ERAP2: variants seen among roughly 807,000 people sequenced by gnomAD.
ERAP2 encodes leukocyte-derived arginine aminopeptidase.
In ERAP2, 118 loss-of-function variants were observed where a neutral mutation model predicts 111.1. The ratio of observed to expected loss-of-function variants is 1.06; its 90% CI spans 0.92 to 1.24. The LOEUF (loss-of-function observed/expected upper bound fraction) is 1.24, where lower values mean the gene tolerates loss of function less well. Ranked by LOEUF, ERAP2 falls within the 50% of genes most tolerant of loss-of-function variation. ERAP2 has a pLI of 0.00. For missense variants in ERAP2, 1,131 were observed against 1,125.8 expected (o/e 1.00, Z -0.07); for synonymous variants, 410 against 401.2 (o/e 1.02, Z -0.26).
At chr5:96,908,689 T>A (rs866114158) in intron 13 of ERAP2, among the ~76,000 whole-genome samples, 2 of 152,210 alleles carry the variant, frequency 1.3e-5, no homozygotes, top group Admixed American at 6.5e-5. Context: ...AAATGCTTTT[T>A]AAAATATTAG....
At position 96,909,734 on chromosome 5, in the gene ERAP2, C is replaced by A; in HGVS notation, c.2324C>A (p.Ser775Tyr). Residue 775 changes from serine to tyrosine, a missense_variant, in exon 15 of 19, where the codon TCC becomes TAC. By Grantham distance (144) the Ser-to-Tyr change is moderately radical. This residue lies in a region of ERAP2 where 279 missense variants were observed against 250.9 expected (regional missense o/e 1.11). Transcript: ENST00000437043. ...PCIQKAAELF[S>Y]QWMESSGKLN... ...ATCCAGAAAGCTGCTGAACTCTTCT[C>A]CCAGTGGATGGAATCCAGTGGAAAA... is the stretch of plus-strand genomic sequence containing the variant. 3 of 1,614,138 alleles carry A rather than the reference C, an allele frequency of 1.9e-6. No homozygotes were observed. Among genetic ancestry groups the A allele is most frequent in the Non-Finnish European group, 8.5e-7 (1 of 1,179,986 alleles).
chr5:96,903,482 CA>C lies in ERAP2; in HGVS notation c.1935del (p.Gln646SerfsTer2), dbSNP rs780956448. On this transcript the variant is annotated frameshift_variant, in exon 13 of 19. Transcript: ENST00000437043. LOFTEE classifies it high-confidence loss of function. ...YEGHGWDQLI[T>X]QLNQNHTLLR... ...GGTCATGGATGGGACCAACTCATTACACAGCTGAATCAGAACCACACACTTC... is the reference window on the plus strand; with the variant it reads ...GGTCATGGATGGGACCAACTCATTACCAGCTGAATCAGAACCACACACTTC... 3.7e-6 allele frequency: 6 copies of C among 1,614,058 alleles called. No individual in the cohort carries two copies. In the Middle Eastern group the frequency reaches 5.0e-4, roughly 133 times the overall value.
At position 96,892,445 on chromosome 5, in the gene ERAP2, G is replaced by A. The variant is rs1328749632; in HGVS notation, c.1117G>A (p.Ala373Thr). The A allele has an allele frequency of 9.9e-6, 16 of 1,613,738 alleles. No homozygotes were observed. The highest frequency in any genetic ancestry group is 1.3e-5 in the Non-Finnish European group (15 of 1,179,840). Residue 373 changes from alanine (A) to threonine (T), a missense_variant, in exon 6 of 19, where the codon GCG becomes ACG. Physicochemically the swap from Ala to Thr is moderately conservative, Grantham distance 58 (BLOSUM62 0). Coordinates refer to ENST00000437043, the MANE Select transcript of ERAP2 (RefSeq NM_022350.5). ...WVTRVIAHEL[A>T]HQWFGNLVTM... The stretch of plus-strand genomic sequence containing the variant: ...CACCAGAGTCATAGCCCATGAACTG[G>A]CGCACCAGGTACTTGGCACTCATGA...
At chr5:96,896,965 T>TGTTGGGTAACGATAGACTG in intron 9 of ERAP2, 102 bp downstream of exon 9, 6 of 987,684 alleles carry the variant, frequency 6.1e-6, no homozygotes, top group Non-Finnish European at 8.3e-6. Flanking sequence ...GTCAACCATA[T>TGTTGGGTAACGATAGACTG]TTATTCTGCT....
chr5:96,915,610 T>C, intron 17 of ERAP2, 78 bp from the exon 18 acceptor site: 1 of 760,720 alleles, frequency 1.3e-6, no homozygotes, highest in Non-Finnish European at 2.0e-6. Flanking sequence ...TAATATACAT[T>C]AAAAATATAA....
At chr5:96,890,476 A>C (rs1784225029) in intron 5 of ERAP2, among the ~76,000 whole-genome samples, 1 of 152,184 alleles carries the variant, frequency 6.6e-6, no homozygotes, top group African/African-American at 2.4e-5. Flanking sequence ...ATTGACAGGT[A>C]CTGGTCCGCA....
chr5:96,914,148 T>TCTCACACACACA (rs34158080), intron 17 of ERAP2, among the ~76,000 whole-genome samples: 7 of 147,982 alleles, frequency 4.7e-5, no homozygotes, highest in Admixed American at 2.0e-4. Flanking sequence ...TCTCTCTCTC[T>TCTCACACACACA]CACACACACA....
intron 16 of ERAP2, 49 bp from the exon 17 acceptor site, chr5:96,913,268 A>T: frequency 2.0e-6 from 3 of 1,488,254 alleles, no homozygotes; most frequent in Non-Finnish European, 2.8e-6. Context: ...GTTAATGTCC[A>T]TGTACATAAT....
chr5:96,896,906 G>C (rs1225659155), intron 9 of ERAP2, 43 bp downstream of exon 9: 7 of 1,506,872 alleles, frequency 4.6e-6, no homozygotes, highest in Non-Finnish European at 6.2e-6. Context: ...ATTTAATCTA[G>C]AAAGTAACAG....
At chr5:96,913,128 G>GT (rs1183349082) in intron 16 of ERAP2, among the ~76,000 whole-genome samples, 189 bp from the exon 17 acceptor site, 1 of 152,188 alleles carries the variant, frequency 6.6e-6, no homozygotes, top group African/African-American at 2.4e-5. Context: ...ATAAGTAAAT[G>GT]TTTTTGATAG....
Position 96,879,976 on chromosome 5 carries a change from C to G in ERAP2, c.291C>G (p.Ile97Met), listed in dbSNP as rs41506651. 6.2e-7 allele frequency: 1 copy of G among 1,614,092 alleles called. No homozygotes were observed. The highest frequency in any genetic ancestry group is 1.1e-5 in the South Asian group (1 of 91,078). ...TSLDFVASEKIEVLVSNATQF... is the reference protein window; with the variant it reads ...TSLDFVASEKMEVLVSNATQF... ...TGGACTTTGTTGCATCTGAGAAGAT[C>G]GAAGTCTTGGTCAGCAATGCTACCC... Residue 97 changes from isoleucine to methionine, a missense_variant, in exon 2 of 19, where the codon ATC becomes ATG. Physicochemically the swap from Ile to Met is conservative, Grantham distance 10 (BLOSUM62 1). Around this residue, in one of 3 missense-constraint regions of ERAP2, gnomAD observed 847 missense variants for 856.5 expected, o/e 0.99. Transcript: ENST00000437043.
intron 13 of ERAP2, among the ~76,000 whole-genome samples, chr5:96,904,271 C>G (rs1019787904): frequency 1.3e-5 from 2 of 152,194 alleles, no homozygotes; most frequent in Non-Finnish European, 2.9e-5. Flanking sequence ...AATCAGGTCA[C>G]AAGATCACCA....
chr5:96,909,520 C>A (rs1786472722), intron 14 of ERAP2, 60 bp from the exon 15 acceptor site: 1 of 1,374,128 alleles, frequency 7.3e-7, no homozygotes, highest in Admixed American at 1.7e-5. Flanking sequence ...TTTAGATGGG[C>A]AAGAACTGTG....
intron 5 of ERAP2, among the ~76,000 whole-genome samples, chr5:96,891,586 C>T (rs968537916): frequency 6.6e-6 from 1 of 151,180 alleles, no homozygotes; most frequent in Non-Finnish European, 1.5e-5. Flanking sequence ...CACACACACA[C>T]ACACACACGT....
intron 3 of ERAP2, among the ~76,000 whole-genome samples, chr5:96,884,816 G>A (rs1429935813): frequency 2.6e-5 from 4 of 152,142 alleles, no homozygotes; most frequent in East Asian, 1.9e-4. Flanking sequence ...AGTGCTAGTA[G>A]AGGCAGCATA....
At chr5:96,891,493 GTGTGTGTATATATA>G (rs1784361992) in intron 5 of ERAP2, among the ~76,000 whole-genome samples, 4 of 89,648 alleles carry the variant, frequency 4.5e-5, no homozygotes, top group Non-Finnish European at 6.6e-5. Context: ...ATGTGTGTGT[GTGTGTGTATATATA>G]TATATATATG....
chr5:96,878,562 G>T (rs1170419507), intron 1 of ERAP2, among the ~76,000 whole-genome samples: 1 of 152,170 alleles, frequency 6.6e-6, no homozygotes, highest in African/African-American at 2.4e-5. Flanking sequence ...GGGAGGCTGA[G>T]ACATCAGGAT....
intron 3 of ERAP2, among the ~76,000 whole-genome samples, chr5:96,884,983 G>C (rs1353984668): frequency 6.6e-6 from 1 of 152,120 alleles, no homozygotes; most frequent in African/African-American, 2.4e-5. Context: ...CACCATCCTG[G>C]AAGAACTTAC....
intron 5 of ERAP2, among the ~76,000 whole-genome samples, chr5:96,891,328 C>T (rs1431783323): frequency 6.6e-6 from 1 of 150,484 alleles, no homozygotes; most frequent in Admixed American, 6.7e-5. Flanking sequence ...CATGCGCATA[C>T]ATTTATACCT....
Sources: allele counts gnomAD v4.1 joint callset (sites outside exome capture counted in the v4.1 genomes callset), GRCh38; gene constraint gnomAD v4.1.1; regional missense constraint gnomAD v4.1.1; transcripts MANE v1.5; gene names NCBI Gene and HGNC (gene_info 2026-07-23, HGNC 2026-07-21).